ISM2: variants seen among roughly 807,000 people sequenced by gnomAD.
ISM2 encodes isthmin 2, also known as isthmin-2.
Under a neutral mutation model 58.0 loss-of-function variants are expected in ISM2, and 50 were observed. The observed-to-expected ratio is 0.86, with a 90% CI of 0.69 to 1.09. The LOEUF is 1.09. Among genes scored for constraint, ISM2 ranks in the 50% least tolerant of loss-of-function variants. The pLI is 0.00. For synonymous variants in ISM2, 303 were observed against 312.4 expected (o/e 0.97, Z 0.32); for missense variants, 723 against 745.0 (o/e 0.97, Z 0.34).
At chr14:77,481,774 T>A (rs952563508) in intron 4 of ISM2, among the ~76,000 whole-genome samples, 1 of 151,260 alleles carries the variant, frequency 6.6e-6, no homozygotes, top group Non-Finnish European at 1.5e-5. Flanking sequence ...TATCAGAGAT[T>A]TTTGTGAGGG....
chr14:77,493,488 G>C (rs1478281003), intron 1 of ISM2, among the ~76,000 whole-genome samples: 2 of 152,014 alleles, frequency 1.3e-5, no homozygotes, highest in African/African-American at 4.8e-5. Flanking sequence ...TTGAGAGGGA[G>C]TCTTGCTCTG....
At chr14:77,478,191 C>T in intron 6 of ISM2, 51 bp downstream of exon 6, 1 of 1,490,440 alleles carries the variant, frequency 6.7e-7, no homozygotes, top group Non-Finnish European at 9.4e-7. Context: ...CCACCCTCCC[C>T]TGAGAGCTCG....
chr14:77,490,022 C>A (rs1043561469), intron 1 of ISM2, among the ~76,000 whole-genome samples: 1 of 152,202 alleles, frequency 6.6e-6, no homozygotes, highest in South Asian at 2.1e-4. Context: ...CGCCACCATG[C>A]CCAGCTAATT....
intron 1 of ISM2, among the ~76,000 whole-genome samples, chr14:77,491,010 TG>T (rs970787208): frequency 6.6e-6 from 1 of 152,184 alleles, no homozygotes; most frequent in Non-Finnish European, 1.5e-5. Context: ...ACTCACTGAT[TG>T]GGCTAGAAAG....
intron 2 of ISM2, 21 bp from the exon 3 acceptor site, chr14:77,484,586 G>A (rs778508806): frequency 2.5e-6 from 4 of 1,604,528 alleles, no homozygotes; most frequent in Admixed American, 3.4e-5. Context: ...GAGAGGGAAG[G>A]TGAGGTGACA....
chr14:77,492,516 CTTT>C lies in ISM2; in HGVS notation c.141+6134_141+6136del, dbSNP rs11345814. ...CAGCACTCAACAAACTGGCCCCAGC[CTTT>C]TTTTTTTTTTTTTTTTTCAAGACAG... On this transcript the variant is annotated intron_variant, in intron 1 of 6. Transcript: ENST00000342219. Among the ~76,000 whole-genome samples, 294 of 93,456 alleles carry C rather than the reference CTTT, an allele frequency of 3.1e-3. 1 individual carries two copies. Among genetic ancestry groups the C allele is most frequent in the African/African-American group, 0.01 (261 of 25,678 alleles). The allele number at this position is 93,456 out of a possible 152,430, so 61.3% of individuals were successfully genotyped here.
chr14:77,481,993 G>A (rs773840803), intron 4 of ISM2, among the ~76,000 whole-genome samples: 5 of 151,114 alleles, frequency 3.3e-5, no homozygotes, highest in Non-Finnish European at 7.4e-5. Flanking sequence ...CCAGCTATTC[G>A]GAGGCTAAGG....
intron 1 of ISM2, among the ~76,000 whole-genome samples, chr14:77,485,432 T>A (rs1172100100): frequency 6.6e-6 from 1 of 152,262 alleles, no homozygotes; most frequent in Non-Finnish European, 1.5e-5. Flanking sequence ...ATGAGGGCTG[T>A]GTTCCTCCGC....
chr14:77,486,324 T>G (rs1214474121), intron 1 of ISM2, among the ~76,000 whole-genome samples: 1 of 152,246 alleles, frequency 6.6e-6, no homozygotes, highest in African/African-American at 2.4e-5. Context: ...TCTCCCTCTT[T>G]GACCTCCCCT....
chr14:77,498,623 G>C, intron 1 of ISM2, 30 bp downstream of exon 1: 3 of 1,412,740 alleles, frequency 2.1e-6, no homozygotes, highest in African/African-American at 1.5e-5. Flanking sequence ...CCGACAGCGC[G>C]CTCCGCAGCC....
intron 1 of ISM2, among the ~76,000 whole-genome samples, chr14:77,496,446 C>T (rs2079241135): frequency 6.6e-6 from 1 of 151,080 alleles, no homozygotes. Context: ...CAAGATCACG[C>T]CATTGCACTC....
At chr14:77,476,564 G>T (rs2079099805) in intron 6 of ISM2, among the ~76,000 whole-genome samples, 1 of 152,172 alleles carries the variant, frequency 6.6e-6, no homozygotes, top group African/African-American at 2.4e-5. Context: ...AGGCAATCTG[G>T]CCTGGGGTGA....
intron 6 of ISM2, among the ~76,000 whole-genome samples, chr14:77,477,855 T>C (rs966676854): frequency 9.2e-5 from 14 of 152,212 alleles, no homozygotes; most frequent in African/African-American, 3.4e-4. Flanking sequence ...GCTGGAGTTC[T>C]GCACACTGAC....
At chr14:77,496,702 C>T (rs538732649) in intron 1 of ISM2, among the ~76,000 whole-genome samples, 1 of 145,136 alleles carries the variant, frequency 6.9e-6, no homozygotes, top group African/African-American at 2.5e-5. Flanking sequence ...GAGGCTAAGG[C>T]AGGAGAATTG....
At position 77,475,646 on chromosome 14, in the gene ISM2, G is replaced by C; in HGVS notation, c.1665C>G (p.Asn555Lys). Reference sequence around the variant, plus strand: ...GTGCTAGGTACTCCTCCTCCAGGGGGTTGTCGGTGCAGGCTCGGCCGTTGT... The same window carrying C: ...GTGCTAGGTACTCCTCCTCCAGGGGCTTGTCGGTGCAGGCTCGGCCGTTGT... ...PPNNGRACTDNPLEEEYLAQL... is the reference protein window; with the variant it reads ...PPNNGRACTDKPLEEEYLAQL... Residue 555 changes from asparagine to lysine, a missense_variant, in exon 7 of 7, where the codon AAC becomes AAG. By Grantham distance (94) the Asn-to-Lys change is moderately conservative (BLOSUM62 0). Transcript: ENST00000342219. The surrounding 1 kb of genome is among the most constrained non-coding windows in gnomAD (Gnocchi z 4.1). 6.2e-7 allele frequency: 1 copy of C among 1,611,932 alleles called. No homozygotes were observed. Among genetic ancestry groups the C allele is most frequent in the Admixed American group, 1.7e-5 (1 of 59,860 alleles).
At chr14:77,483,342 G>A (rs1418296449) in intron 3 of ISM2, among the ~76,000 whole-genome samples, 2 of 152,080 alleles carry the variant, frequency 1.3e-5, no homozygotes, top group African/African-American at 2.4e-5. Context: ...GGCAGATCAC[G>A]AGGTCAAGAG....
At position 77,475,715 on chromosome 14, in the gene ISM2, C is replaced by G; in HGVS notation, c.1596G>C (p.Leu532=). Residue 532 remains leucine (L), a synonymous_variant, in exon 7 of 7, where the codon CTG becomes CTC. Transcript: ENST00000342219. This position sits in a 1 kb window ranked among gnomAD's most constrained non-coding sequence, Gnocchi z 4.1. ...HFKFDTTPWI[L]CKGDWSRLHA... is the part of the protein sequence containing the mutation. ...GGAGGCGGCTCCAGTCCCCCTTGCA[C>G]AGGATCCAGGGCGTCGTGTCGAACT... 1 of 1,614,130 alleles carries G rather than the reference C, an allele frequency of 6.2e-7. No homozygotes were observed.
chr14:77,497,884 G>A (rs2079257686), intron 1 of ISM2, among the ~76,000 whole-genome samples: 1 of 151,914 alleles, frequency 6.6e-6, no homozygotes, highest in Non-Finnish European at 1.5e-5. Context: ...TTAGTACATG[G>A]AAGGACCCAG....
At chr14:77,478,524 C>T in intron 5 of ISM2, 51 bp downstream of exon 5, 1 of 1,587,990 alleles carries the variant, frequency 6.3e-7, no homozygotes, top group Non-Finnish European at 8.6e-7. Context: ...ACCAAGCCTC[C>T]AGCCTAAGCC....
Sources: allele counts gnomAD v4.1 joint callset (sites outside exome capture counted in the v4.1 genomes callset), GRCh38; gene constraint gnomAD v4.1.1; non-coding constraint Gnocchi (gnomAD v3.1); transcripts MANE v1.5; gene names NCBI Gene and HGNC (gene_info 2026-07-23, HGNC 2026-07-21).